TMED3: variants seen among roughly 807,000 people sequenced by gnomAD.
TMED3 encodes transmembrane p24 trafficking protein 3, also known as transmembrane emp24 domain-containing protein 3.
In TMED3, 9 loss-of-function variants were observed where a neutral mutation model predicts 15.0. That is an observed-to-expected ratio of 0.60 (90% CI 0.36 to 1.04). TMED3 has a LOEUF of 1.04. Among genes scored for constraint, TMED3 ranks in the 50% least tolerant of loss-of-function variants. The pLI, the probability that TMED3 is intolerant of heterozygous loss-of-function variation, is 0.01. For missense variants in TMED3, 267 were observed against 278.9 expected, an observed-to-expected ratio of 0.96 and a Z score of 0.30; for synonymous variants, 117 against 121.4, an observed-to-expected ratio of 0.96 and a Z score of 0.24.
exon 3 of TMED3, chr15:79,413,634 C>T (rs1894025308): frequency 6.6e-6 from 1 of 152,206 alleles, no homozygotes; most frequent in African/African-American, 2.4e-5. Flanking sequence ...GTGCTAGGTA[C>T]TGGGAGGATA....
chr15:79,355,270 G>A (rs773507027), intron 2 of TMED3, among the ~76,000 whole-genome samples: 2 of 152,134 alleles, frequency 1.3e-5, no homozygotes, highest in African/African-American at 2.4e-5. Context: ...AAACAACATA[G>A]CTCACTTGTA....
chr15:79,317,784 A>G (rs545269457), intron 2 of TMED3, among the ~76,000 whole-genome samples: 1 of 152,306 alleles, frequency 6.6e-6, no homozygotes, highest in East Asian at 1.9e-4. Context: ...CTCTTCCCTG[A>G]CATGGCGACC....
chr15:79,312,001 A>G (rs938867283), intron 1 of TMED3, among the ~76,000 whole-genome samples: 4 of 152,200 alleles, frequency 2.6e-5, no homozygotes, highest in Admixed American at 2.0e-4. Flanking sequence ...CTCTTGCCAT[A>G]TGGCTTAGAA....
chr15:79,380,487 TTATAGTTATA>T (rs966207955), intron 2 of TMED3, among the ~76,000 whole-genome samples: 12 of 147,264 alleles, frequency 8.1e-5, no homozygotes, highest in Middle Eastern at 3.6e-3. Flanking sequence ...TTATATATAG[TTATAGTTATA>T]TATAGTTATA....
At chr15:79,320,654 G>T (rs185189761) in intron 2 of TMED3, among the ~76,000 whole-genome samples, 2 of 152,298 alleles carry the variant, frequency 1.3e-5, no homozygotes, top group African/African-American at 4.8e-5. Flanking sequence ...GAATTTTCTA[G>T]GTCTTGGATA....
chr15:79,372,897 T>C (rs949203622), intron 2 of TMED3, among the ~76,000 whole-genome samples: 1 of 152,222 alleles, frequency 6.6e-6, no homozygotes, highest in African/African-American at 2.4e-5. Flanking sequence ...TGTTCCTGTC[T>C]TTTCAAGTCA....
intron 2 of TMED3, among the ~76,000 whole-genome samples, chr15:79,402,441 A>G (rs1352543015): frequency 6.6e-6 from 1 of 152,226 alleles, no homozygotes; most frequent in Non-Finnish European, 1.5e-5. Context: ...CTGCCAAGTT[A>G]TACCTGCACA....
Position 79,312,764 on chromosome 15 carries a change from A to G in TMED3, c.169-993A>G, listed in dbSNP as rs529816185. On this transcript the variant is annotated intron_variant, in intron 1 of 2. Transcript: ENST00000299705. Reference sequence around the variant, plus strand: ...AGAAATTCCATGAATACTTCGATCAATATTTTTCTTCTCCTTGCATTCAGT... The same window carrying G: ...AGAAATTCCATGAATACTTCGATCAGTATTTTTCTTCTCCTTGCATTCAGT... 3.9e-5 allele frequency among the ~76,000 whole-genome samples: 6 copies of G among 152,302 alleles called. No individual in the cohort carries two copies. The South Asian group carries it at 1.0e-3, about 26-fold the overall frequency.
intron 2 of TMED3, among the ~76,000 whole-genome samples, chr15:79,408,320 C>T (rs1490276100): frequency 1.3e-5 from 2 of 152,170 alleles, no homozygotes; most frequent in African/African-American, 4.8e-5. Flanking sequence ...TTCTGCCAGT[C>T]GCAGTTCCTC....
At chr15:79,407,979 G>A (rs928675541) in intron 2 of TMED3, among the ~76,000 whole-genome samples, 2 of 152,158 alleles carry the variant, frequency 1.3e-5, no homozygotes, top group Admixed American at 6.5e-5. Flanking sequence ...GAGATTTTGC[G>A]CAAGTCATTC....
chr15:79,311,619 C>G (rs142846643), intron 1 of TMED3, among the ~76,000 whole-genome samples: 102 of 152,292 alleles, frequency 6.7e-4, no homozygotes, highest in Admixed American at 2.9e-3. Context: ...ACGAGCCTGG[C>G]CAGCGAGGAG....
intron 2 of TMED3, among the ~76,000 whole-genome samples, chr15:79,394,483 T>G (rs1052232054): frequency 6.6e-6 from 1 of 152,178 alleles, no homozygotes; most frequent in Non-Finnish European, 1.5e-5. Flanking sequence ...AGATTTTGCA[T>G]TTTGAAGTCT....
chr15:79,391,901 C>T (rs189005678), intron 2 of TMED3, among the ~76,000 whole-genome samples: 1 of 152,156 alleles, frequency 6.6e-6, no homozygotes, highest in Non-Finnish European at 1.5e-5. Flanking sequence ...AGAATTGCTA[C>T]CCCTGCTTAC....
exon 3 of TMED3, chr15:79,411,508 A>C (rs1220013217): frequency 2.8e-6 from 2 of 702,014 alleles, no homozygotes; most frequent in Non-Finnish European, 5.2e-6. Context: ...CTCCTAACAG[A>C]TTTTCAGCGG....
intron 2 of TMED3, among the ~76,000 whole-genome samples, chr15:79,385,336 G>A (rs1485809571): frequency 6.6e-6 from 1 of 152,144 alleles, no homozygotes; most frequent in Non-Finnish European, 1.5e-5. Context: ...TAGGAAGGGG[G>A]GCAGAATCCA....
rs2058729546 is a variant in TMED3 at position 79,313,988 on chromosome 15, G to T, written c.400G>T (p.Val134Phe). ...PPILPDMGNR[V>F]TALTQMESAC... is the part of the protein sequence containing the mutation. ...CATTCTCCCAGACATGGGGAACAGG[G>T]TCACAGCTCTCACCCAGGTGAGTGA... is the stretch of plus-strand genomic sequence containing the variant. Residue 134 changes from valine to phenylalanine, a missense_variant, in exon 2 of 3, where the codon GTC (valine) becomes TTC (phenylalanine). Around this residue, in one of 3 missense-constraint regions of TMED3, gnomAD observed 139 missense variants for 125.0 expected, o/e 1.11. Transcript: ENST00000299705. 2 of 1,613,958 alleles carry T rather than the reference G, an allele frequency of 1.2e-6. No homozygotes were observed. The highest frequency in any genetic ancestry group is 1.7e-6 in the Non-Finnish European group (2 of 1,179,958).
chr15:79,363,718 G>T (rs8035788), intron 2 of TMED3, among the ~76,000 whole-genome samples: 1 of 152,096 alleles, frequency 6.6e-6, no homozygotes, highest in East Asian at 1.9e-4. Context: ...CAGTTTTAAC[G>T]TAAAGCAAAG....
chr15:79,342,757 A>G (rs2058856076), intron 2 of TMED3, among the ~76,000 whole-genome samples: 1 of 152,206 alleles, frequency 6.6e-6, no homozygotes, highest in Non-Finnish European at 1.5e-5. Flanking sequence ...ACCATTTGTT[A>G]AGTGTCTGTG....
At chr15:79,343,918 C>T (rs1405122646) in intron 2 of TMED3, among the ~76,000 whole-genome samples, 5 of 151,992 alleles carry the variant, frequency 3.3e-5, no homozygotes, top group South Asian at 2.1e-4. Context: ...AGTTGGAGAT[C>T]GCTATTAGAG....
Sources: allele counts gnomAD v4.1 joint callset (sites outside exome capture counted in the v4.1 genomes callset), GRCh38; gene constraint gnomAD v4.1.1; regional missense constraint gnomAD v4.1.1; transcripts MANE v1.5; gene names NCBI Gene and HGNC (gene_info 2026-07-23, HGNC 2026-07-21).